The following RYR1 variants were observed in gnomAD, a reference collection of about 807,000 sequenced individuals.
The protein encoded by RYR1 is central core disease of muscle.
Under a neutral mutation model 583.5 loss-of-function variants are expected in RYR1, and 342 were observed. The ratio of observed to expected loss-of-function variants is 0.59; its 90% confidence interval spans 0.54 to 0.64. RYR1 has a LOEUF of 0.64. RYR1 is among the 30% of genes least tolerant of loss of function. RYR1 has a pLI of 0.00. For missense variants in RYR1, 6,032 were observed against 6,917.2 expected (o/e 0.87, Z 4.54); for synonymous variants, 2,791 against 2,822.5 (o/e 0.99, Z 0.35).
intron 1 of RYR1, among the ~76,000 whole-genome samples, chr19:38,435,970 G>T (rs1026884122): frequency 6.6e-6 from 1 of 151,970 alleles, no homozygotes; most frequent in Non-Finnish European, 1.5e-5. Context: ...GTGCAATGGC[G>T]TGATCGCAGC....
chr19:38,459,350 C>T lies in RYR1; in HGVS notation c.2360+12C>T, dbSNP rs1457456000. The T allele has an allele frequency of 8.7e-6, 14 of 1,612,894 alleles. 1 individual carries two copies. Among genetic ancestry groups the T allele is most frequent in the South Asian group, 7.7e-5 (7 of 90,952 alleles). On this transcript the variant is annotated intron_variant, in intron 19 of 105. Transcript: ENST00000359596. ...TCGGCTGGTGTCAAGTGAGAACTTG[C>T]CCCCACCCCACGGCCAGTCCTCAGA...
Position 38,485,959 on chromosome 19 carries a change from C to T in RYR1, c.5304C>T (p.Thr1768=). 4 of 1,613,722 alleles carry T rather than the reference C, an allele frequency of 2.5e-6. No individual in the cohort carries two copies. The highest frequency in any genetic ancestry group is 3.4e-6 in the Non-Finnish European group (4 of 1,179,978). Residue 1768 remains threonine, a synonymous_variant, in exon 34 of 106, where the codon ACC becomes ACT. Transcript: ENST00000359596. ...PRHGLPGVGV[T]TSLRPPHHFS... ...ATGGCCTGCCGGGAGTTGGAGTCAC[C>T]ACTTCGCTGAGGCCCCCGCATCATT...
In RYR1 at chr19:38,445,166, G is replaced by T. The variant is rs1037958674; in HGVS notation, c.631+489G>T. Reference sequence around the variant, plus strand: ...ACCTACTCAGGAGGGTGAGGCAGGAGAATTGCTTGAACCTGGGTGGCAGAG... The same window carrying T: ...ACCTACTCAGGAGGGTGAGGCAGGATAATTGCTTGAACCTGGGTGGCAGAG... On this transcript the variant is annotated intron_variant, in intron 7 of 105. Coordinates refer to ENST00000359596, the MANE Select transcript of RYR1 (RefSeq NM_000540.3). Among the ~76,000 whole-genome samples, 3 of 122,830 alleles carry T rather than the reference G, an allele frequency of 2.4e-5. No homozygotes were observed. The Admixed American group carries it at 3.4e-4, about 14-fold the overall frequency. 80.6% of individuals were successfully genotyped at this position (122,830 alleles called of 152,430 possible). A position where few individuals can be genotyped will look rare whatever the true frequency, so the allele number is the denominator to read the frequency against.
At chr19:38,459,077 C>A in intron 18 of RYR1, 69 bp from the exon 19 acceptor site, 1 of 1,368,096 alleles carries the variant, frequency 7.3e-7, no homozygotes, top group East Asian at 2.3e-5. Context: ...AATATCTGTC[C>A]CTTTTCTCTT....
At chr19:38,435,789 T>G (rs1972400592) in intron 1 of RYR1, among the ~76,000 whole-genome samples, 1 of 152,144 alleles carries the variant, frequency 6.6e-6, no homozygotes, top group African/African-American at 2.4e-5. Flanking sequence ...CATTCTGTCT[T>G]ACAACTCAGT....
intron 101 of RYR1, among the ~76,000 whole-genome samples, chr19:38,582,950 C>T (rs1599669620): frequency 6.6e-6 from 1 of 152,202 alleles, no homozygotes; most frequent in African/African-American, 2.4e-5. Context: ...AGTCACTTAT[C>T]TTAGTTTTTA....
chr19:38,533,717 G>A (rs558151385), intron 78 of RYR1, among the ~76,000 whole-genome samples: 50 of 151,158 alleles, frequency 3.3e-4, no homozygotes, highest in African/African-American at 1.1e-3. Context: ...GCTTGAACCC[G>A]CGAGGTGGAA....
At position 38,536,761 on chromosome 19, in the gene RYR1, C is replaced by T. The variant is rs777879436; in HGVS notation, c.11602C>T (p.Gln3868Ter). ...VNEDGTVINRQNGEKVMADDE... is the reference protein window; with the variant it reads ...VNEDGTVINR Reference sequence around the variant, plus strand: ...GTTGGCTGCCCCAGTCATCAATCGCCAGAACGGTAATTCCCCCAGCCCACC... The same window carrying T: ...GTTGGCTGCCCCAGTCATCAATCGCTAGAACGGTAATTCCCCCAGCCCACC... The change falls in exon 83 of 106, where the codon CAG becomes TAG. Residue 3868 changes from glutamine to a stop codon, truncating the protein, a stop_gained. Coordinates refer to ENST00000359596, the MANE Select transcript of RYR1 (RefSeq NM_000540.3). LOFTEE classifies it high-confidence loss of function. 15 of 1,613,860 alleles carry T rather than the reference C, an allele frequency of 9.3e-6. No homozygotes were observed.
chr19:38,530,324 A>T (rs1600942797), intron 76 of RYR1, among the ~76,000 whole-genome samples: 1 of 151,332 alleles, frequency 6.6e-6, no homozygotes, highest in East Asian at 2.0e-4. Context: ...ATCATAGCTC[A>T]TTGCAGCTCA....
At position 38,499,808 on chromosome 19, in the gene RYR1, C is replaced by A; in HGVS notation, c.7201C>A (p.Arg2401=). 2 of 1,604,956 alleles carry A rather than the reference C, an allele frequency of 1.2e-6. No homozygotes were observed. Among genetic ancestry groups the A allele is most frequent in the Non-Finnish European group, 1.7e-6 (2 of 1,179,020 alleles). ...ARDGPGIRRD[R]RREHFGEEPP... ...GGATGGCCCAGGCATCCGCAGGGAC[C>A]GGCGGCGCGAGCAGTGAGTCTCCCG... Residue 2401 remains arginine, a synonymous_variant, in exon 44 of 106, where the codon CGG becomes AGG. Transcript: ENST00000359596. This position sits in a 1 kb window ranked among gnomAD's most constrained non-coding sequence, Gnocchi z 7.3.
At position 38,499,652 on chromosome 19, in the gene RYR1, A is replaced by T. The variant is rs780437705; in HGVS notation, c.7045A>T (p.Asn2349Tyr). ...GTGGCCAGGCGAGAGCGTGGAGGAGAACGCCAATGTGGTGGTGCGGCTGCT... is the reference window on the plus strand; with the variant it reads ...GTGGCCAGGCGAGAGCGTGGAGGAGTACGCCAATGTGGTGGTGCGGCTGCT... ...VFVNGESVEE[N>Y]ANVVVRLLIR... Residue 2349 changes from asparagine (N) to tyrosine (Y), a missense_variant, in exon 44 of 106, where the codon AAC becomes TAC. Asn to Tyr is a moderately radical substitution (Grantham distance 143). Around this residue, in one of 11 missense-constraint regions of RYR1, gnomAD observed 2,627 missense variants for 2,961.3 expected, o/e 0.89. Coordinates refer to ENST00000359596, the MANE Select transcript of RYR1 (RefSeq NM_000540.3). The surrounding 1 kb of genome is among the most constrained non-coding windows in gnomAD (Gnocchi z 7.3). The T allele has an allele frequency of 1.3e-6, 2 of 1,598,156 alleles. No individual in the cohort carries two copies. Among genetic ancestry groups the T allele is most frequent in the African/African-American group, 1.3e-5 (1 of 74,778 alleles).
chr19:38,522,985 G>A, intron 67 of RYR1, 43 bp from the exon 68 acceptor site: 1 of 1,500,012 alleles, frequency 6.7e-7, no homozygotes, highest in Non-Finnish European at 9.1e-7. Flanking sequence ...CCCCTTCCCT[G>A]GGATCCCCAC....
Position 38,577,814 on chromosome 19 carries a change from C to T in RYR1, c.14173-104C>T, listed in dbSNP as rs572093654. ...GTCTCAAAAAAAAAAATGCACCTCC[C>T]ATTTCTCACTCAGAGTTTGGAGTGT... On this transcript the variant is annotated intron_variant, in intron 97 of 105. Coordinates refer to ENST00000359596, the MANE Select transcript of RYR1 (RefSeq NM_000540.3). 20 of 1,496,572 alleles carry T rather than the reference C, an allele frequency of 1.3e-5. No individual in the cohort carries two copies. The African/African-American group carries it at 1.7e-4, about 12-fold the overall frequency. 92.7% of individuals were successfully genotyped at this position (1,496,572 alleles called of 1,614,324 possible).
In RYR1 at chr19:38,512,801, TA is replaced by T. The variant is rs879675297; in HGVS notation, c.9472+329del. ...CAACATAGCGAGACCCTGTCTCTACTAAAAAAAAAAAGAAAAATTTAAAGAT... is the reference window on the plus strand; with the variant it reads ...CAACATAGCGAGACCCTGTCTCTACTAAAAAAAAAAGAAAAATTTAAAGAT... On this transcript the variant is annotated intron_variant, in intron 63 of 105. Coordinates refer to ENST00000359596, the MANE Select transcript of RYR1 (RefSeq NM_000540.3). The surrounding 1 kb of genome is among the most constrained non-coding windows in gnomAD (Gnocchi z 5.1). Among the ~76,000 whole-genome samples the T allele has an allele frequency of 5.8e-4, 81 of 139,320 alleles. No individual in the cohort carries two copies. The highest frequency in any genetic ancestry group is 3.6e-3 in the Middle Eastern group (1 of 274). The allele number at this position is 139,320 out of a possible 152,430, so 91.4% of individuals were successfully genotyped here.
At chr19:38,556,880 G>A (rs1972899905) in intron 89 of RYR1, among the ~76,000 whole-genome samples, 2 of 151,922 alleles carry the variant, frequency 1.3e-5, no homozygotes, top group Non-Finnish European at 2.9e-5. Flanking sequence ...GCCAAAGTTC[G>A]AGCAGATTCA....
intron 58 of RYR1, among the ~76,000 whole-genome samples, chr19:38,510,007 T>C (rs1160412529): frequency 2.0e-5 from 3 of 152,072 alleles, no homozygotes; most frequent in African/African-American, 7.2e-5. Flanking sequence ...ATTGTCAGCT[T>C]CAGAAAGGGT....
intron 93 of RYR1, among the ~76,000 whole-genome samples, chr19:38,569,601 C>CA (rs1427062601): frequency 1.3e-5 from 2 of 151,848 alleles, no homozygotes; most frequent in African/African-American, 2.4e-5. Context: ...GGCAGGGCGA[C>CA]AGGTGGGGTG....
Position 38,463,742 on chromosome 19 carries a change from T to C in RYR1, c.2683-5T>C. On this transcript the variant is annotated splice_region_variant and splice_polypyrimidine_tract_variant and intron_variant, in intron 21 of 105. Coordinates refer to ENST00000359596, the MANE Select transcript of RYR1 (RefSeq NM_000540.3). ...CACATGGAGTTGACCCTGGGTTTTCTCCAGGTTCGGGATGACAACAAGAGG... is the reference window on the plus strand; with the variant it reads ...CACATGGAGTTGACCCTGGGTTTTCCCCAGGTTCGGGATGACAACAAGAGG... 6.2e-7 allele frequency: 1 copy of C among 1,613,666 alleles called. No individual in the cohort carries two copies.
At chr19:38,518,431 T>G (rs904320317) in intron 66 of RYR1, among the ~76,000 whole-genome samples, 3 of 148,974 alleles carry the variant, frequency 2.0e-5, no homozygotes, top group African/African-American at 7.4e-5. Flanking sequence ...AAAGAAATAT[T>G]TGTGTAAGGA....
Sources: gnomAD v4.1 joint callset for allele counts (sites outside exome capture counted in the v4.1 genomes callset) on GRCh38, gnomAD v4.1.1 for gene constraint, gnomAD v4.1.1 regional missense constraint, Gnocchi (gnomAD v3.1) non-coding constraint, MANE v1.5 for transcripts, NCBI Gene and HGNC (gene_info 2026-07-23, HGNC 2026-07-21) for gene names.